The following CCSER1 variants were observed in gnomAD, a reference collection of about 807,000 sequenced individuals.
CCSER1 encodes the protein serine-rich coiled-coil domain-containing protein 1.
Under a neutral mutation model 82.0 loss-of-function variants are expected in CCSER1, and 41 were observed. The ratio of observed to expected loss-of-function variants is 0.50; its 90% CI spans 0.39 to 0.65. CCSER1 has a LOEUF of 0.65. Among genes scored for constraint, CCSER1 ranks in the 30% least tolerant of loss-of-function variants. CCSER1 has a pLI of 0.00. For missense variants in CCSER1, 1,119 were observed against 1,064.2 expected (o/e 1.05, Z -0.72); for synonymous variants, 414 against 383.9 (o/e 1.08, Z -0.92).
chr4:90,420,978 G>T (rs11931012), intron 4 of CCSER1, among the ~76,000 whole-genome samples: 2,446 of 152,144 alleles, frequency 0.016, 32 homozygotes, highest in South Asian at 0.03. Context: ...ATAATGCCAG[G>T]AACATCAGCT....
intron 3 of CCSER1, among the ~76,000 whole-genome samples, chr4:90,390,448 A>T (rs1014647158): frequency 1.3e-5 from 2 of 152,126 alleles, no homozygotes; most frequent in Admixed American, 1.3e-4. Context: ...TATCTCCCAC[A>T]TGCCAAGTAG....
intron 10 of CCSER1, among the ~76,000 whole-genome samples, chr4:91,431,065 T>C (rs1754270549): frequency 6.6e-6 from 1 of 152,036 alleles, no homozygotes; most frequent in Non-Finnish European, 1.5e-5. Flanking sequence ...TGAAACCCCG[T>C]CTCTACTAAA....
At chr4:91,403,836 G>T (rs894053855) in intron 10 of CCSER1, among the ~76,000 whole-genome samples, 8 of 152,106 alleles carry the variant, frequency 5.3e-5, no homozygotes, top group East Asian at 1.9e-4. Flanking sequence ...ATGTTCATCA[G>T]GGATATTGGT....
intron 10 of CCSER1, among the ~76,000 whole-genome samples, chr4:91,433,112 TATA>T (rs1754426553): frequency 6.6e-6 from 1 of 152,198 alleles, no homozygotes; most frequent in South Asian, 2.1e-4. Flanking sequence ...GATTACCAGT[TATA>T]ATTTTTAGTT....
intron 7 of CCSER1, among the ~76,000 whole-genome samples, chr4:90,806,555 A>C (rs1237250916): frequency 2.0e-5 from 3 of 152,210 alleles, no homozygotes; most frequent in Non-Finnish European, 4.4e-5. Context: ...TAAAGGACTC[A>C]CTGACCAGCT....
intron 10 of CCSER1, among the ~76,000 whole-genome samples, chr4:91,409,611 C>T (rs934408891): frequency 5.9e-5 from 9 of 152,150 alleles, no homozygotes; most frequent in African/African-American, 2.2e-4. Context: ...CATTCAAAAT[C>T]TTATAGCTAC....
intron 10 of CCSER1, among the ~76,000 whole-genome samples, chr4:91,128,676 A>G (rs1359411808): frequency 6.6e-6 from 1 of 152,038 alleles, no homozygotes; most frequent in Non-Finnish European, 1.5e-5. Flanking sequence ...GGCATGGTTC[A>G]CTCAGGTTAC....
At position 90,294,393 on chromosome 4, in the gene CCSER1, C is replaced by T. The variant is rs1731481073; in HGVS notation, c.-41-13851C>T. 1.3e-5 allele frequency among the ~76,000 whole-genome samples: 2 copies of T among 151,746 alleles called. 1 individual carries two copies. Among genetic ancestry groups the T allele is most frequent in the South Asian group, 4.1e-4 (2 of 4,824 alleles). On this transcript the variant is annotated intron_variant, in intron 1 of 10. Transcript: ENST00000509176. ...AAGTCTTTATATTATTTTAAGGATTCTTAGCACTTCCATATGTTTTATTTA... is the reference window on the plus strand; with the variant it reads ...AAGTCTTTATATTATTTTAAGGATTTTTAGCACTTCCATATGTTTTATTTA...
At chr4:90,824,899 T>C (rs1434553044) in intron 8 of CCSER1, among the ~76,000 whole-genome samples, 1 of 152,188 alleles carries the variant, frequency 6.6e-6, no homozygotes, top group Non-Finnish European at 1.5e-5. Flanking sequence ...GGAGAATTAA[T>C]TGCATATATT....
At position 91,077,974 on chromosome 4, in the gene CCSER1, T is replaced by C. The variant is rs192681238; in HGVS notation, c.2173-7976T>C. On this transcript the variant is annotated intron_variant, in intron 9 of 10. Transcript: ENST00000509176. ...CGAACTGGGTGGAGCCCACCACAGC[T>C]CAAGGAGGCCCGCCTGCCTCTGTAG... Among the ~76,000 whole-genome samples the C allele has an allele frequency of 7.9e-3, 1,206 of 152,248 alleles. 16 individuals are homozygous for C. Among genetic ancestry groups the C allele is most frequent in the African/African-American group, 0.026 (1,082 of 41,544 alleles).
At chr4:91,398,055 GTAAT>G (rs2149356690) in intron 10 of CCSER1, among the ~76,000 whole-genome samples, 1 of 152,058 alleles carries the variant, frequency 6.6e-6, no homozygotes, top group Non-Finnish European at 1.5e-5. Context: ...GTAGCAATGA[GTAAT>G]TATTTTTTTT....
At chr4:91,553,575 T>A (rs942386755) in intron 10 of CCSER1, among the ~76,000 whole-genome samples, 2 of 131,124 alleles carry the variant, frequency 1.5e-5, no homozygotes, top group African/African-American at 6.4e-5. Flanking sequence ...TACGGGAATT[T>A]TTTTTTTGTC....
chr4:91,022,836 C>T (rs1186216341), intron 9 of CCSER1, among the ~76,000 whole-genome samples: 1 of 152,122 alleles, frequency 6.6e-6, no homozygotes, highest in Non-Finnish European at 1.5e-5. Context: ...TCATATCCTT[C>T]ACCCACTTTT....
chr4:90,265,754 T>C lies in CCSER1; in HGVS notation c.-41-42490T>C, dbSNP rs554827220. Among the ~76,000 whole-genome samples the C allele has an allele frequency of 5.9e-5, 9 of 152,260 alleles. No homozygotes were observed. In the East Asian group the frequency reaches 9.6e-4, roughly 16 times the overall value. ...ATCTTAAGGATAAGAACCTCTTTTA[T>C]AGTACTTCTGTAAGAGAAATAAATT... On this transcript the variant is annotated intron_variant, in intron 1 of 10. Coordinates refer to ENST00000509176, the MANE Select transcript of CCSER1 (RefSeq NM_001145065.2).
chr4:91,407,324 C>T (rs780380287), intron 10 of CCSER1, among the ~76,000 whole-genome samples: 4 of 152,052 alleles, frequency 2.6e-5, no homozygotes, highest in Non-Finnish European at 5.9e-5. Flanking sequence ...AGGCAAAAAC[C>T]GTGTCTTGTT....
At chr4:91,186,845 C>A (rs569543134) in intron 10 of CCSER1, among the ~76,000 whole-genome samples, 3 of 152,206 alleles carry the variant, frequency 2.0e-5, no homozygotes, top group African/African-American at 7.2e-5. Context: ...CTTAAGAATG[C>A]CTTTAAGCAG....
At chr4:91,381,729 T>A (rs572993864) in intron 10 of CCSER1, among the ~76,000 whole-genome samples, 36 of 152,338 alleles carry the variant, frequency 2.4e-4, no homozygotes, top group Non-Finnish European at 4.6e-4. Flanking sequence ...GTCTGAAGCC[T>A]TCTTCTCTCA....
chr4:91,595,137 G>A (rs990275844), intron 10 of CCSER1, among the ~76,000 whole-genome samples: 1 of 151,832 alleles, frequency 6.6e-6, no homozygotes, highest in Admixed American at 6.6e-5. Flanking sequence ...TGGATGATGG[G>A]ATATAAGACT....
intron 4 of CCSER1, among the ~76,000 whole-genome samples, chr4:90,466,241 T>G (rs545164967): frequency 1.2e-4 from 19 of 152,312 alleles, no homozygotes; most frequent in African/African-American, 4.6e-4. Context: ...AGAAAGAATG[T>G]TTTTTCCCTA....
Sources: allele counts gnomAD v4.1 joint callset (sites outside exome capture counted in the v4.1 genomes callset), GRCh38; gene constraint gnomAD v4.1.1; transcripts MANE v1.5; gene names NCBI Gene and HGNC (gene_info 2026-07-23, HGNC 2026-07-21).